Variants in RASAL2 observed in about 807,000 individuals in gnomAD.
The protein encoded by RASAL2 is RAS protein activator like 2.
In RASAL2, 58 loss-of-function variants were observed where a neutral mutation model predicts 128.9. The observed-to-expected ratio is 0.45, with a 90% confidence interval of 0.36 to 0.56. The LOEUF is 0.56. RASAL2 is among the 20% of genes least tolerant of loss of function. The probability of loss-of-function intolerance (pLI) is 0.00; values close to 1 mark genes in which losing one functional copy is unlikely to be tolerated. For synonymous variants in RASAL2, 561 were observed against 580.8 expected, an observed-to-expected ratio of 0.97 and a Z score of 0.49; for missense variants, 1,360 against 1,601.6, an observed-to-expected ratio of 0.85 and a Z score of 2.57.
intron 4 of RASAL2, among the ~76,000 whole-genome samples, chr1:178,394,746 G>A (rs1571993517): frequency 6.6e-6 from 1 of 152,170 alleles, no homozygotes; most frequent in Non-Finnish European, 1.5e-5. Flanking sequence ...CATCCAGAAA[G>A]CATAATTGAA....
At chr1:178,402,867 G>GA (rs1469058853) in intron 4 of RASAL2, among the ~76,000 whole-genome samples, 6 of 151,510 alleles carry the variant, frequency 4.0e-5, no homozygotes, top group South Asian at 2.1e-4. Flanking sequence ...CCCTGACAAT[G>GA]AAAAAAAATA....
At chr1:178,177,513 G>T (rs1262344738) in intron 1 of RASAL2, among the ~76,000 whole-genome samples, 2 of 152,142 alleles carry the variant, frequency 1.3e-5, no homozygotes, top group Non-Finnish European at 2.9e-5. Context: ...GTAAAGGAAA[G>T]AAACATGCTT....
intron 3 of RASAL2, among the ~76,000 whole-genome samples, chr1:178,308,339 ACT>A (rs896524757): frequency 2.3e-4 from 35 of 151,932 alleles, no homozygotes; most frequent in African/African-American, 7.5e-4. Context: ...AAGTTGGAAA[ACT>A]CTGAGGAAAA....
chr1:178,253,796 A>G (rs1665177500), intron 1 of RASAL2, among the ~76,000 whole-genome samples: 1 of 152,118 alleles, frequency 6.6e-6, no homozygotes, highest in South Asian at 2.1e-4. Flanking sequence ...CACTTCTTTT[A>G]TGGTGGAATG....
chr1:178,183,429 T>C (rs1240481733), intron 1 of RASAL2, among the ~76,000 whole-genome samples: 1 of 152,216 alleles, frequency 6.6e-6, no homozygotes, highest in African/African-American at 2.4e-5. Context: ...TACTGTATCA[T>C]AGGGAATAGT....
At chr1:178,212,465 A>G (rs866231342) in intron 1 of RASAL2, among the ~76,000 whole-genome samples, 10 of 152,140 alleles carry the variant, frequency 6.6e-5, no homozygotes, top group South Asian at 4.1e-4. Flanking sequence ...ACGCGAAGGA[A>G]GTGAGATGAT....
intron 5 of RASAL2, among the ~76,000 whole-genome samples, chr1:178,428,898 T>C (rs1373566766): frequency 6.6e-6 from 1 of 152,124 alleles, no homozygotes; most frequent in Non-Finnish European, 1.5e-5. Context: ...TGTAGCCTAC[T>C]CACCATGTTT....
chr1:178,406,269 A>G (rs1465347037), intron 4 of RASAL2, among the ~76,000 whole-genome samples: 1 of 152,238 alleles, frequency 6.6e-6, no homozygotes, highest in African/African-American at 2.4e-5. Context: ...AAAAGGAGCA[A>G]ACTGTACATG....
intron 3 of RASAL2, among the ~76,000 whole-genome samples, chr1:178,377,446 C>T (rs1353001148): frequency 6.6e-6 from 1 of 152,070 alleles, no homozygotes; most frequent in African/African-American, 2.4e-5. Context: ...GAAATCTAGA[C>T]AGTAAACTCT....
chr1:178,346,110 A>G (rs992249365), intron 3 of RASAL2, among the ~76,000 whole-genome samples: 2 of 152,140 alleles, frequency 1.3e-5, no homozygotes, highest in African/African-American at 4.8e-5. Flanking sequence ...GAAATATTTT[A>G]TCTTTCATAT....
chr1:178,393,758 C>T (rs980314384), intron 4 of RASAL2, among the ~76,000 whole-genome samples: 1 of 152,074 alleles, frequency 6.6e-6, no homozygotes, highest in African/African-American at 2.4e-5. Flanking sequence ...TAATCTGTTC[C>T]GATCATCTTT....
intron 1 of RASAL2, among the ~76,000 whole-genome samples, chr1:178,200,137 C>T (rs955668878): frequency 5.3e-5 from 8 of 152,164 alleles, no homozygotes; most frequent in Admixed American, 3.3e-4. Flanking sequence ...CCTATTAGCT[C>T]TGTCCCTCTA....
Position 178,259,199 on chromosome 1 carries a change from C to T in RASAL2, c.203-24365C>T, listed in dbSNP as rs368687084. Among the ~76,000 whole-genome samples the T allele has an allele frequency of 9.8e-3, 1,342 of 137,606 alleles. 26 individuals are homozygous for T. The highest frequency in any genetic ancestry group is 0.035 in the African/African-American group (1,262 of 35,930). 90.3% of individuals were successfully genotyped at this position (137,606 alleles called of 152,430 possible). A position where few individuals can be genotyped will look rare whatever the true frequency, so the allele number is the denominator to read the frequency against. On this transcript the variant is annotated intron_variant, in intron 1 of 17. Coordinates refer to ENST00000367649, the MANE Select transcript of RASAL2 (RefSeq NM_170692.4). ...AGGTGGGAGTGCAGTGGCGCAATCT[C>T]GGCTCACTGCAAGCTCCGCCTCCCA...
intron 11 of RASAL2, 62 bp from the exon 12 acceptor site, chr1:178,454,385 A>G (rs1425318033): frequency 6.4e-6 from 9 of 1,395,442 alleles, no homozygotes; most frequent in Admixed American, 1.8e-5. Flanking sequence ...TGTAATGTCA[A>G]ATCAAAATGA....
intron 1 of RASAL2, among the ~76,000 whole-genome samples, chr1:178,174,198 A>G (rs1308574098): frequency 6.6e-6 from 1 of 152,038 alleles, no homozygotes; most frequent in African/African-American, 2.4e-5. Flanking sequence ...TGTCAGCAAT[A>G]TTCTTATACC....
intron 2 of RASAL2, among the ~76,000 whole-genome samples, chr1:178,294,472 G>A (rs1469318596): frequency 6.6e-6 from 1 of 152,226 alleles, no homozygotes; most frequent in African/African-American, 2.4e-5. Context: ...AGATACCAGT[G>A]AAGAAACTGT....
intron 3 of RASAL2, among the ~76,000 whole-genome samples, chr1:178,383,861 AG>A (rs1247988892): frequency 2.0e-5 from 3 of 152,250 alleles, no homozygotes; most frequent in Non-Finnish European, 4.4e-5. Context: ...ACAAAATGCA[AG>A]GGAAAATAGA....
chr1:178,322,397 C>T (rs1469504342), intron 3 of RASAL2, among the ~76,000 whole-genome samples: 1 of 152,182 alleles, frequency 6.6e-6, no homozygotes, highest in Admixed American at 6.5e-5. Flanking sequence ...CATCCCTGGG[C>T]CAGTACCTTT....
At chr1:178,425,023 C>T (rs1468919101) in intron 5 of RASAL2, among the ~76,000 whole-genome samples, 2 of 152,046 alleles carry the variant, frequency 1.3e-5, no homozygotes, top group Non-Finnish European at 2.9e-5. Context: ...CCCTCAACCT[C>T]GAGGAGTCCA....
Sources: allele counts gnomAD v4.1 joint callset (sites outside exome capture counted in the v4.1 genomes callset), GRCh38; gene constraint gnomAD v4.1.1; transcripts MANE v1.5; gene names NCBI Gene and HGNC (gene_info 2026-07-23, HGNC 2026-07-21).